Variants in KBTBD11 observed in about 807,000 individuals in gnomAD.
The protein encoded by KBTBD11 is kelch repeat and BTB domain-containing protein 11.
For synonymous variants in KBTBD11, 747 were observed against 499.0 expected, an observed-to-expected ratio of 1.50 and a Z score of -6.63; for missense variants, 1,390 against 1,001.8, an observed-to-expected ratio of 1.39 and a Z score of -5.23.
At chr8:1,980,608 G>A (rs569768061) in intron 1 of KBTBD11, among the ~76,000 whole-genome samples, 33 of 152,346 alleles carry the variant, frequency 2.2e-4, no homozygotes, top group Middle Eastern at 3.4e-3. Context: ...GGGATGCCAC[G>A]TGCTTCTGCA....
rs1817297058 is a variant in KBTBD11 at position 2,000,412 on chromosome 8, T to TG, written c.-779dup. 1.3e-5 allele frequency: 2 copies of TG among 152,200 alleles called. No homozygotes were observed. Among genetic ancestry groups the TG allele is most frequent in the Non-Finnish European group, 2.9e-5 (2 of 68,092 alleles). 9.4% of individuals were successfully genotyped at this position (152,200 alleles called of 1,614,324 possible). On this transcript the variant is annotated 5_prime_UTR_variant, in exon 2 of 2. Transcript: ENST00000320248. ...ACAGCGGCTTCTCCTAACATCCCCC[T>TG]GGCAGTGAATTACGGATGACCCCGT...
intron 1 of KBTBD11, among the ~76,000 whole-genome samples, chr8:1,980,660 G>A (rs1220857803): frequency 6.6e-6 from 1 of 152,364 alleles, no homozygotes; most frequent in African/African-American, 2.4e-5. Context: ...TGGTGGCAGC[G>A]TGTGCTGAGA....
intron 1 of KBTBD11, among the ~76,000 whole-genome samples, chr8:1,998,900 C>T (rs192485882): frequency 3.8e-4 from 58 of 152,306 alleles, no homozygotes; most frequent in African/African-American, 1.4e-3. Flanking sequence ...TGGTCCTTTC[C>T]CCGGCCCTGG....
Position 2,004,791 on chromosome 8 carries a change from G to A in KBTBD11, c.*1727G>A, listed in dbSNP as rs970869739. On this transcript the variant is annotated 3_prime_UTR_variant, in exon 2 of 2. Transcript: ENST00000320248. ...CTGACTTGATTGGCCTTTTATAGGAGTATACTGGAGAAATGGTTGTAGAAA... is the reference window on the plus strand; with the variant it reads ...CTGACTTGATTGGCCTTTTATAGGAATATACTGGAGAAATGGTTGTAGAAA... The A allele has an allele frequency of 6.0e-6, 1 of 167,056 alleles. No individual in the cohort carries two copies. The highest frequency in any genetic ancestry group is 2.4e-5 in the African/African-American group (1 of 41,438). The allele number at this position is 167,056 out of a possible 1,614,324, so 10.3% of individuals were successfully genotyped here. A position where few individuals can be genotyped will look rare whatever the true frequency, so the allele number is the denominator to read the frequency against.
At chr8:1,994,925 G>C (rs1377407805) in intron 1 of KBTBD11, among the ~76,000 whole-genome samples, 2 of 152,082 alleles carry the variant, frequency 1.3e-5, no homozygotes, top group Non-Finnish European at 2.9e-5. Context: ...CAGGCGTGAT[G>C]GTGGGTGCCT....
intron 1 of KBTBD11, among the ~76,000 whole-genome samples, chr8:1,974,149 C>T (rs1204148656): frequency 1.3e-5 from 1 of 76,244 alleles, no homozygotes; most frequent in Non-Finnish European, 2.6e-5. Flanking sequence ...GGAGGGGGGA[C>T]CGGGAGAGGA....
chr8:1,993,394 C>T (rs56671926), intron 1 of KBTBD11, among the ~76,000 whole-genome samples: 54 of 84,420 alleles, frequency 6.4e-4, no homozygotes, highest in African/African-American at 1.5e-3. Context: ...TCCGTCCGTC[C>T]ATCCATCCAT....
intron 1 of KBTBD11, among the ~76,000 whole-genome samples, chr8:1,985,771 T>A (rs537392439): frequency 6.6e-6 from 1 of 152,328 alleles, no homozygotes; most frequent in South Asian, 2.1e-4. Flanking sequence ...CCAGCCTGGG[T>A]GACAGAGTGA....
At chr8:1,975,469 A>G (rs965975196) in intron 1 of KBTBD11, among the ~76,000 whole-genome samples, 1 of 152,202 alleles carries the variant, frequency 6.6e-6, no homozygotes, top group Non-Finnish European at 1.5e-5. Flanking sequence ...TTGTGTTACA[A>G]TTGCCTGCGG....
chr8:1,992,452 T>C (rs1440245901), intron 1 of KBTBD11, among the ~76,000 whole-genome samples: 2 of 151,992 alleles, frequency 1.3e-5, no homozygotes, highest in Non-Finnish European at 2.9e-5. Context: ...AGGCTTTTTC[T>C]TAAATTGGAA....
chr8:2,003,394 G>A lies in KBTBD11; in HGVS notation c.*330G>A. 4.0e-6 allele frequency: 1 copy of A among 252,620 alleles called. No homozygotes were observed. The highest frequency in any genetic ancestry group is 8.0e-6 in the Non-Finnish European group (1 of 125,488). 15.6% of individuals were successfully genotyped at this position (252,620 alleles called of 1,614,324 possible). The stretch of plus-strand genomic sequence containing the variant: ...GAGGCAGCCTGCAGCCGGCCCCGGG[G>A]TGTCCCGAACCCCGCAGAGCACCGA... On this transcript the variant is annotated 3_prime_UTR_variant, in exon 2 of 2. Transcript: ENST00000320248.
chr8:1,989,923 G>GGTT (rs34692866), intron 1 of KBTBD11, among the ~76,000 whole-genome samples: 1 of 71,712 alleles, frequency 1.4e-5, no homozygotes, highest in African/African-American at 5.9e-5. Flanking sequence ...GTCTCAGGTG[G>GGTT]TTTTTTTTTT....
rs902798812 is a variant in KBTBD11, at chr8:2,002,196, G to C, written c.1004G>C (p.Gly335Ala). ...GTCTACTGCTTCCACGCGGCGGCCGGAGAGTGGCGCGAGCTGACGCGGCTG... is the reference window on the plus strand; with the variant it reads ...GTCTACTGCTTCCACGCGGCGGCCGCAGAGTGGCGCGAGCTGACGCGGCTG... ...AAVYCFHAAA[G>A]EWRELTRLPE... The change falls in exon 2 of 2, where the codon GGA (glycine) becomes GCA (alanine). Residue 335 changes from glycine to alanine, a missense_variant. Coordinates refer to ENST00000320248, the MANE Select transcript of KBTBD11 (RefSeq NM_014867.3). The surrounding 1 kb of genome is among the most constrained non-coding windows in gnomAD (Gnocchi z 4.1). 31 of 1,256,460 alleles carry C rather than the reference G, an allele frequency of 2.5e-5. No individual in the cohort carries two copies. The African/African-American group carries it at 4.8e-4, about 19-fold the overall frequency. 77.8% of individuals were successfully genotyped at this position (1,256,460 alleles called of 1,614,324 possible).
Position 2,005,121 on chromosome 8 carries a change from T to G in KBTBD11, c.*2057T>G, listed in dbSNP as rs1358058422. ...GTGGTGGATGTTGGATGGGGGTGGT[T>G]GCACAGTCCTGTGCGGTTCCCATGG... On this transcript the variant is annotated 3_prime_UTR_variant, in exon 2 of 2. Transcript: ENST00000320248. 6.0e-6 allele frequency: 1 copy of G among 167,118 alleles called. No homozygotes were observed. Among genetic ancestry groups the G allele is most frequent in the Non-Finnish European group, 1.5e-5 (1 of 68,130 alleles). 10.4% of individuals were successfully genotyped at this position (167,118 alleles called of 1,614,324 possible). A position where few individuals can be genotyped will look rare whatever the true frequency, so the allele number is the denominator to read the frequency against.
Position 2,001,690 on chromosome 8 carries a change from C to CT in KBTBD11, c.498_499insT (p.Ala167CysfsTer285). ...TGGCGGCGCGCAGCGACTACTTCCG[C>CT]GCGCGCGCGTCGCGGGACGTGCTGC... On this transcript the variant is annotated frameshift_variant, in exon 2 of 2. Transcript: ENST00000320248. LOFTEE classifies it low-confidence loss of function (END_TRUNC). 1 of 1,438,376 alleles carries CT rather than the reference C, an allele frequency of 7.0e-7. No individual in the cohort carries two copies. Among genetic ancestry groups the CT allele is most frequent in the South Asian group, 1.4e-5 (1 of 73,486 alleles). 89.1% of individuals were successfully genotyped at this position (1,438,376 alleles called of 1,614,324 possible). A position where few individuals can be genotyped will look rare whatever the true frequency, so the allele number is the denominator to read the frequency against.
chr8:1,991,307 G>C (rs1243244512), intron 1 of KBTBD11, among the ~76,000 whole-genome samples: 1 of 152,210 alleles, frequency 6.6e-6, no homozygotes, highest in African/African-American at 2.4e-5. Flanking sequence ...TGAAGTAGGC[G>C]TTTGCTTTTA....
chr8:2,002,236 G>C lies in KBTBD11; in HGVS notation c.1044G>C (p.Pro348=). Residue 348 remains proline, a synonymous_variant, in exon 2 of 2, where the codon CCG becomes CCC. Coordinates refer to ENST00000320248, the MANE Select transcript of KBTBD11 (RefSeq NM_014867.3). This position sits in a 1 kb window ranked among gnomAD's most constrained non-coding sequence, Gnocchi z 4.1. ...TGACGCGGCTGCCCGAGGGCGCGCC[G>C]GCGCGGGGCTGCGGCCTGTGCGTCC... The part of the protein sequence containing the change: ...RELTRLPEGA[P]ARGCGLCVLY... 7.9e-7 allele frequency: 1 copy of C among 1,269,228 alleles called. No individual in the cohort carries two copies. The highest frequency in any genetic ancestry group is 9.9e-7 in the Non-Finnish European group (1 of 1,012,422). The allele number at this position is 1,269,228 out of a possible 1,614,324, so 78.6% of individuals were successfully genotyped here.
intron 1 of KBTBD11, among the ~76,000 whole-genome samples, chr8:1,980,112 C>G (rs1816489623): frequency 6.6e-6 from 1 of 151,810 alleles, no homozygotes; most frequent in Non-Finnish European, 1.5e-5. Flanking sequence ...AATCCCCTGT[C>G]TAAGTATGAC....
intron 1 of KBTBD11, among the ~76,000 whole-genome samples, chr8:1,983,346 C>T (rs1816602407): frequency 6.6e-6 from 1 of 152,248 alleles, no homozygotes; most frequent in Non-Finnish European, 1.5e-5. Context: ...CACCATACAT[C>T]TGTCCCCAGT....
Sources: allele counts gnomAD v4.1 joint callset (sites outside exome capture counted in the v4.1 genomes callset), GRCh38; gene constraint gnomAD v4.1.1; non-coding constraint Gnocchi (gnomAD v3.1); transcripts MANE v1.5; gene names NCBI Gene and HGNC (gene_info 2026-07-23, HGNC 2026-07-21).